ACADVL: variants seen among roughly 807,000 people sequenced by gnomAD.
ACADVL encodes the protein very long-chain acyl-CoA dehydrogenase, mitochondrial.
A neutral mutation model predicts 80.4 loss-of-function variants in ACADVL; 73 were observed. That is an observed-to-expected ratio of 0.91 (90% CI 0.75 to 1.10). The LOEUF (loss-of-function observed/expected upper bound fraction) is 1.10, where lower values mean the gene tolerates loss of function less well. Ranked by LOEUF, ACADVL falls within the 50% of genes least tolerant of loss-of-function variation. ACADVL has a pLI of 0.00. For synonymous variants in ACADVL, 392 were observed against 326.5 expected (o/e 1.20, Z -2.16); for missense variants, 878 against 858.9 (o/e 1.02, Z -0.28).
upstream of ACADVL, chr17:7,219,916 G>A: frequency 6.4e-7 from 1 of 1,566,410 alleles, no homozygotes; most frequent in East Asian, 2.3e-5. Flanking sequence ...AGGGGCGCCA[G>A]GACGTGGGCG....
Position 7,220,615 on chromosome 17 carries a change from C to T in ACADVL, c.216C>T (p.Ser72=), listed in dbSNP as rs761492981. The T allele has an allele frequency of 3.0e-5, 49 of 1,614,088 alleles. No individual in the cohort carries two copies. Among genetic ancestry groups the T allele is most frequent in the East Asian group, 4.5e-5 (2 of 44,890 alleles). Residue 72 remains serine (S), a synonymous_variant, in exon 4 of 20, where the codon TCC becomes TCT. Coordinates refer to ENST00000356839, the MANE Select transcript of ACADVL (RefSeq NM_000018.4). Reference sequence around the variant, plus strand: ...CTCTCTCTGCCCAGGAATCTAAGTCCTTTGCTGTGGGAATGTTCAAAGGCC... The same window carrying T: ...CTCTCTCTGCCCAGGAATCTAAGTCTTTTGCTGTGGGAATGTTCAAAGGCC... ...RKKPAKAESK[S]FAVGMFKGQL...
At chr17:7,219,095 G>C, upstream of ACADVL, 1 of 580,198 alleles carries the variant, frequency 1.7e-6, no homozygotes, top group Non-Finnish European at 3.0e-6. Flanking sequence ...CCTCCTCACA[G>C]AGGGCTCCAG....
chr17:7,221,174 G>A lies in ACADVL; in HGVS notation c.477+116G>A, dbSNP rs551490021. 5 of 1,542,656 alleles carry A rather than the reference G, an allele frequency of 3.2e-6. 1 individual carries two copies. The highest frequency in any genetic ancestry group is 1.4e-5 in the African/African-American group (1 of 73,512). ...GGTCTCTTCTAAGCACCTGCCCTGG[G>A]TGCCTGTGGGATGGATGTTAACTGT... On this transcript the variant is annotated intron_variant, in intron 6 of 19. Transcript: ENST00000356839.
rs2071165955 is a variant in ACADVL, at chr17:7,220,746, C to T, written c.278-20C>T. On this transcript the variant is annotated intron_variant, in intron 4 of 19. Transcript: ENST00000356839. ...CCCCTGCCAGCCTGGCCTGACCAGC[C>T]TGTCCCCCACCCTCTGCAGTGCTCA... is the stretch of plus-strand genomic sequence containing the variant. 1.9e-6 allele frequency: 3 copies of T among 1,614,118 alleles called. No individual in the cohort carries two copies. The Admixed American group carries it at 5.0e-5, about 27-fold the overall frequency.
rs200471575 is a variant in ACADVL at position 7,223,379 on chromosome 17, G to C, written c.1182+142G>C. ...TAGGGGATGCGGGGAGGCATAGTCAGCTCAGCTTCTGCGAAGAGAGACAGC... is the reference window on the plus strand; with the variant it reads ...TAGGGGATGCGGGGAGGCATAGTCACCTCAGCTTCTGCGAAGAGAGACAGC... On this transcript the variant is annotated intron_variant, in intron 11 of 19. Coordinates refer to ENST00000356839, the MANE Select transcript of ACADVL (RefSeq NM_000018.4). 2,027 of 892,218 alleles carry C rather than the reference G, an allele frequency of 2.3e-3. 43 individuals carry two copies. In the South Asian group the frequency reaches 0.026, roughly 11 times the overall value. 55.3% of individuals were successfully genotyped at this position (892,218 alleles called of 1,614,324 possible). A position where few individuals can be genotyped will look rare whatever the true frequency, so the allele number is the denominator to read the frequency against.
chr17:7,219,490 G>A (rs75850352), upstream of ACADVL: 269 of 1,039,706 alleles, frequency 2.6e-4, 5 homozygotes, highest in East Asian at 0.02. Flanking sequence ...CCTAGCTTGG[G>A]TGCCCCCCAC....
In ACADVL at chr17:7,222,220, C is replaced by A; in HGVS notation, c.796C>A (p.Pro266Thr). The A allele has an allele frequency of 6.2e-7, 1 of 1,614,072 alleles. No individual in the cohort carries two copies. Among genetic ancestry groups the A allele is most frequent in the Non-Finnish European group, 8.5e-7 (1 of 1,180,006 alleles). The change falls in exon 9 of 20, where the codon CCA becomes ACA. Residue 266 changes from proline to threonine, a missense_variant. By Grantham distance (38) the Pro-to-Thr change is conservative. Coordinates refer to ENST00000356839, the MANE Select transcript of ACADVL (RefSeq NM_000018.4). Reference sequence around the variant, plus strand: ...CATCTTCACGGTCTTTGCCAAGACACCAGTTACAGATCCAGCCACAGGAGC... The same window carrying A: ...CATCTTCACGGTCTTTGCCAAGACAACAGTTACAGATCCAGCCACAGGAGC... Reference protein sequence around the residue: ...ADIFTVFAKTPVTDPATGAVK... With the variant: ...ADIFTVFAKTTVTDPATGAVK...
chr17:7,217,594 C>T, upstream of ACADVL: 2 of 1,364,074 alleles, frequency 1.5e-6, no homozygotes, highest in Non-Finnish European at 1.9e-6. Flanking sequence ...GCCGAGGGAG[C>T]CGTGGAGCCG....
At chr17:7,217,684 C>A, upstream of ACADVL, 1 of 1,521,488 alleles carries the variant, frequency 6.6e-7, no homozygotes, top group Non-Finnish European at 8.8e-7. Flanking sequence ...GGGGGGGTGC[C>A]TTGGCAGAGT....
At position 7,222,870 on chromosome 17, in the gene ACADVL, G is replaced by A. The variant is rs1456585676; in HGVS notation, c.1077+5G>A. 6.2e-7 allele frequency: 1 copy of A among 1,610,728 alleles called. No homozygotes were observed. The highest frequency in any genetic ancestry group is 8.5e-7 in the Non-Finnish European group (1 of 1,179,972). On this transcript the variant is annotated splice_donor_5th_base_variant and intron_variant, in intron 10 of 19. Coordinates refer to ENST00000356839, the MANE Select transcript of ACADVL (RefSeq NM_000018.4). ...AGAGGCATCATTGCTAAGGCGGTGA[G>A]TACCCTGCCCGAGTCCCTAGGTAAC...
At position 7,222,249 on chromosome 17, in the gene ACADVL, G is replaced by T. The variant is rs777031338; in HGVS notation, c.825G>T (p.Val275=). 1.2e-6 allele frequency: 2 copies of T among 1,614,008 alleles called. No individual in the cohort carries two copies. Among genetic ancestry groups the T allele is most frequent in the African/African-American group, 2.7e-5 (2 of 74,904 alleles). The change falls in exon 9 of 20, where the codon GTG becomes GTT. Residue 275 remains valine (V), a synonymous_variant. Coordinates refer to ENST00000356839, the MANE Select transcript of ACADVL (RefSeq NM_000018.4). ...TPVTDPATGA[V]KEKITAFVVE... is the part of the protein sequence containing the mutation. The stretch of plus-strand genomic sequence containing the variant: ...TTACAGATCCAGCCACAGGAGCCGT[G>T]AAGGAGAAGATCACAGCTTTTGTGG...
chr17:7,223,391 C>A, intron 11 of ACADVL, 154 bp downstream of exon 11: 1 of 845,546 alleles, frequency 1.2e-6, no homozygotes, highest in South Asian at 1.4e-5. Context: ...TCAGCTTCTG[C>A]GAAGAGAGAC....
At position 7,220,596 on chromosome 17, in the gene ACADVL, C is replaced by G. The variant is rs774353448; in HGVS notation, c.205-8C>G. 172 of 1,614,122 alleles carry G rather than the reference C, an allele frequency of 1.1e-4. 1 individual carries two copies. The highest frequency in any genetic ancestry group is 4.9e-4 in the Middle Eastern group (3 of 6,084). On this transcript the variant is annotated splice_region_variant and splice_polypyrimidine_tract_variant and intron_variant, in intron 3 of 19. Transcript: ENST00000356839. The stretch of plus-strand genomic sequence containing the variant: ...CCAGAGCCCTGAAATTTGCCTCTCT[C>G]TGCCCAGGAATCTAAGTCCTTTGCT...
At chr17:7,219,541 T>C, upstream of ACADVL, 1 of 1,082,076 alleles carries the variant, frequency 9.2e-7, no homozygotes, top group Non-Finnish European at 1.1e-6. Context: ...ATAGATTTCA[T>C]CAGGAACCCT....
rs1363658463 is a variant in ACADVL, at chr17:7,224,323, G to A, written c.1535G>A (p.Arg512Gln). The A allele has an allele frequency of 9.3e-6, 15 of 1,613,670 alleles. No individual in the cohort carries two copies. The highest frequency in any genetic ancestry group is 4.4e-5 in the South Asian group (4 of 91,070). The change falls in exon 16 of 20, where the codon CGG (arginine) becomes CAG (glutamine). Residue 512 changes from arginine to glutamine, a missense_variant and splice_region_variant. Physicochemically the swap from Arg to Gln is conservative, Grantham distance 43. Coordinates refer to ENST00000356839, the MANE Select transcript of ACADVL (RefSeq NM_000018.4). ...LGEAGKQLRR[R>Q]AGLGSGLSLS... is the part of the protein sequence containing the mutation. ...GTCATTCTCCCTCTTCCTCTCAGGC[G>A]GGCAGGGCTGGGCAGCGGCCTGAGT...
intron 2 of ACADVL, 93 bp downstream of exon 2, chr17:7,220,290 C>G: frequency 6.7e-7 from 1 of 1,499,070 alleles, no homozygotes; most frequent in Non-Finnish European, 9.0e-7. Context: ...GTGCCAGGTA[C>G]CTGCCTACTG....
rs375097735 is a variant in ACADVL at position 7,223,112 on chromosome 17, G to C, written c.1078-21G>C. On this transcript the variant is annotated intron_variant, in intron 10 of 19. Transcript: ENST00000356839. ...GCAGAACCACACTGAACCACAGCGGGATGTGTGGACCCTCTTCCAGGTAGA... is the reference window on the plus strand; with the variant it reads ...GCAGAACCACACTGAACCACAGCGGCATGTGTGGACCCTCTTCCAGGTAGA... 4.4e-6 allele frequency: 7 copies of C among 1,595,244 alleles called. No individual in the cohort carries two copies. The South Asian group carries it at 5.5e-5, about 13-fold the overall frequency.
rs201606472 is a variant in ACADVL, at chr17:7,223,698, A to G, written c.1237A>G (p.Ile413Val). ...GGACCAGGGAGCCACGGACTTCCAG[A>G]TAGAGGCCGCCATCAGCAAAATCTT... is the stretch of plus-strand genomic sequence containing the variant. ...NMDQGATDFQ[I>V]EAAISKIFGS... The change falls in exon 12 of 20, where the codon ATA (isoleucine) becomes GTA (valine). Residue 413 changes from isoleucine to valine, a missense_variant. Physicochemically the swap from Ile to Val is conservative, Grantham distance 29 (BLOSUM62 3). Transcript: ENST00000356839. The G allele has an allele frequency of 8.1e-6, 13 of 1,614,044 alleles. No homozygotes were observed. The highest frequency in any genetic ancestry group is 1.1e-5 in the South Asian group (1 of 91,064).
intron 1 of ACADVL, 30 bp from the exon 2 acceptor site, chr17:7,220,092 G>A (rs1171511172): frequency 1.9e-6 from 3 of 1,592,202 alleles, no homozygotes; most frequent in Non-Finnish European, 2.6e-6. Flanking sequence ...CCTGGGCACC[G>A]GGCCGGCACT....
Sources: allele counts gnomAD v4.1 joint callset, GRCh38; gene constraint gnomAD v4.1.1; transcripts MANE v1.5; gene names NCBI Gene and HGNC (gene_info 2026-07-23, HGNC 2026-07-21).